Variants in DIP2B observed in about 807,000 individuals in gnomAD.
DIP2B encodes the protein DIP2 acetate--CoA ligase B (putative), also known as disco-interacting protein 2 homolog B.
DIP2B carries 76 observed loss-of-function variants against 198.0 expected under a neutral mutation model. The ratio of observed to expected loss-of-function variants is 0.38; its 90% CI spans 0.32 to 0.46. DIP2B has a LOEUF of 0.46. DIP2B is among the 20% of genes least tolerant of loss of function. DIP2B has a pLI of 0.99. For synonymous variants in DIP2B, 701 were observed against 739.1 expected (o/e 0.95, Z 0.84); for missense variants, 1,559 against 1,978.4 (o/e 0.79, Z 4.02).
chr12:50,558,758 G>C (rs571907789), intron 1 of DIP2B, among the ~76,000 whole-genome samples: 1 of 152,154 alleles, frequency 6.6e-6, no homozygotes, highest in Non-Finnish European at 1.5e-5. Context: ...GTAGATGAAC[G>C]ATTACTGACT....
intron 1 of DIP2B, among the ~76,000 whole-genome samples, chr12:50,566,985 A>AG (rs1958570090): frequency 1.3e-5 from 2 of 151,148 alleles, no homozygotes; most frequent in Admixed American, 6.6e-5. Flanking sequence ...AAAAAAAAAA[A>AG]AAAAAAAGAA....
At chr12:50,506,650 GT>G (rs940264949) in intron 1 of DIP2B, among the ~76,000 whole-genome samples, 2 of 152,176 alleles carry the variant, frequency 1.3e-5, no homozygotes, top group African/African-American at 4.8e-5. Context: ...TCTGTGAAGT[GT>G]TTAAGAAGAT....
intron 1 of DIP2B, among the ~76,000 whole-genome samples, chr12:50,521,489 C>CTTTTTTT (rs35971707): frequency 1.1e-4 from 11 of 98,248 alleles, no homozygotes; most frequent in East Asian, 9.7e-4. Context: ...AGGTTTCTTT[C>CTTTTTTT]TTTTTTTTTT....
intron 14 of DIP2B, among the ~76,000 whole-genome samples, chr12:50,695,004 A>G (rs1332486982): frequency 1.3e-5 from 2 of 152,198 alleles, no homozygotes; most frequent in African/African-American, 2.4e-5. Context: ...ACAAATATCT[A>G]TGAAAATGCA....
At chr12:50,545,786 C>T (rs1359706042) in intron 1 of DIP2B, among the ~76,000 whole-genome samples, 3 of 151,592 alleles carry the variant, frequency 2.0e-5, no homozygotes, top group Non-Finnish European at 4.4e-5. Context: ...CAGGCGTGTG[C>T]CACCGTGCCC....
chr12:50,617,799 A>G (rs1369160861), intron 1 of DIP2B, among the ~76,000 whole-genome samples: 1 of 152,042 alleles, frequency 6.6e-6, no homozygotes, highest in Admixed American at 6.6e-5. Flanking sequence ...ACAGAGAGAG[A>G]CTCCATCTCA....
At chr12:50,683,370 C>T in intron 10 of DIP2B, 122 bp downstream of exon 10, 1 of 710,204 alleles carries the variant, frequency 1.4e-6, no homozygotes, top group Non-Finnish European at 2.3e-6. Context: ...CTCAGCTTCA[C>T]TTTCTAAAAA....
chr12:50,583,570 T>C (rs1382533827), intron 1 of DIP2B, among the ~76,000 whole-genome samples: 1 of 152,200 alleles, frequency 6.6e-6, no homozygotes, highest in African/African-American at 2.4e-5. Context: ...GTGGAAGTGA[T>C]ACAAATTCAG....
intron 32 of DIP2B, among the ~76,000 whole-genome samples, chr12:50,733,260 T>C (rs1180673102): frequency 2.0e-5 from 3 of 151,018 alleles, no homozygotes; most frequent in Non-Finnish European, 3.0e-5. Context: ...CTTTCTTTTT[T>C]TTTTTTTTTT....
chr12:50,597,877 G>T (rs1214721977), intron 1 of DIP2B, among the ~76,000 whole-genome samples: 1 of 152,160 alleles, frequency 6.6e-6, no homozygotes, highest in Non-Finnish European at 1.5e-5. Context: ...GAACAGTCAA[G>T]TTCTTTTGAT....
chr12:50,581,118 G>T (rs1389797218), intron 1 of DIP2B, among the ~76,000 whole-genome samples: 1 of 149,308 alleles, frequency 6.7e-6, no homozygotes, highest in Non-Finnish European at 1.5e-5. Context: ...ACTTACATTT[G>T]TGCTATAGGT....
rs533461475 is a variant in DIP2B, at chr12:50,706,774, T to G, written c.2534+109T>G. The stretch of plus-strand genomic sequence containing the variant: ...AGGTTCTCTTTCCAAGTGATCAGAT[T>G]GTTTTTGTTAAGCATTGCATAAGCC... On this transcript the variant is annotated intron_variant, in intron 21 of 37. Coordinates refer to ENST00000301180, the MANE Select transcript of DIP2B (RefSeq NM_173602.3). The G allele has an allele frequency of 1.3e-5, 17 of 1,353,558 alleles. No homozygotes were observed. The Admixed American group carries it at 3.8e-4, about 31-fold the overall frequency. The allele number at this position is 1,353,558 out of a possible 1,614,324, so 83.8% of individuals were successfully genotyped here. A position where few individuals can be genotyped will look rare whatever the true frequency, so the allele number is the denominator to read the frequency against.
chr12:50,625,861 AC>A, intron 1 of DIP2B, 114 bp from the exon 2 acceptor site: 1 of 1,081,020 alleles, frequency 9.3e-7, no homozygotes, highest in Admixed American at 2.1e-5. Flanking sequence ...CCCCCCCCCA[AC>A]CCCCTGCCTC....
At chr12:50,585,278 A>G (rs890049325) in intron 1 of DIP2B, among the ~76,000 whole-genome samples, 1 of 152,226 alleles carries the variant, frequency 6.6e-6, no homozygotes, top group Non-Finnish European at 1.5e-5. Context: ...AGGCATTGGA[A>G]ATAGAGCATT....
intron 1 of DIP2B, among the ~76,000 whole-genome samples, chr12:50,610,805 C>T (rs985044773): frequency 7.2e-6 from 1 of 138,446 alleles, no homozygotes; most frequent in Non-Finnish European, 1.6e-5. Context: ...TGTGCCCAAC[C>T]TTTTTTTTTT....
At chr12:50,662,782 T>C (rs1478807350) in intron 4 of DIP2B, among the ~76,000 whole-genome samples, 2 of 152,084 alleles carry the variant, frequency 1.3e-5, no homozygotes, top group East Asian at 3.9e-4. Flanking sequence ...GCCATTAAAG[T>C]CTTTAAAAAA....
At chr12:50,512,398 C>T (rs1676204791) in intron 1 of DIP2B, among the ~76,000 whole-genome samples, 1 of 152,168 alleles carries the variant, frequency 6.6e-6, no homozygotes, top group African/African-American at 2.4e-5. Flanking sequence ...TGAGCCACTG[C>T]ACCCAGCGTC....
At chr12:50,635,887 T>C (rs528352477) in intron 2 of DIP2B, among the ~76,000 whole-genome samples, 16 of 152,304 alleles carry the variant, frequency 1.1e-4, no homozygotes, top group African/African-American at 3.6e-4. Context: ...TCCGAGCAAC[T>C]ACTATTATTG....
At chr12:50,509,887 G>T (rs765898747) in intron 1 of DIP2B, among the ~76,000 whole-genome samples, 2 of 152,190 alleles carry the variant, frequency 1.3e-5, no homozygotes, top group African/African-American at 4.8e-5. Flanking sequence ...GATGCTAGGA[G>T]TATTAAGGAA....
Sources: gnomAD v4.1 joint callset for allele counts (sites outside exome capture counted in the v4.1 genomes callset) on GRCh38, gnomAD v4.1.1 for gene constraint, MANE v1.5 for transcripts, NCBI Gene and HGNC (gene_info 2026-07-23, HGNC 2026-07-21) for gene names.